The following MTF1 variants were observed in gnomAD, a reference collection of about 807,000 sequenced individuals.
MTF1 encodes the protein MRE-binding transcription factor.
Under a neutral mutation model 70.4 loss-of-function variants are expected in MTF1, and 22 were observed. The observed-to-expected ratio is 0.31, with a 90% CI of 0.22 to 0.45. MTF1 has a LOEUF of 0.45. MTF1 is among the 20% of genes least tolerant of loss of function. MTF1 has a pLI of 1.00. For missense variants in MTF1, 649 were observed against 922.0 expected (o/e 0.70, Z 3.83); for synonymous variants, 333 against 352.8 (o/e 0.94, Z 0.63).
At position 37,812,830 on chromosome 1, in the gene MTF1, G is replaced by T; in HGVS notation, c.*2306C>A. 6.6e-6 allele frequency: 1 copy of T among 152,312 alleles called. No individual in the cohort carries two copies. The allele number at this position is 152,312 out of a possible 1,614,324, so 9.4% of individuals were successfully genotyped here. ...AGGGCCCTACCTCAAAACTTCCCAT[G>T]GGTGCGAGGCCCAGAGACAGCCAAG... On this transcript the variant is annotated 3_prime_UTR_variant, in exon 11 of 11. Transcript: ENST00000373036.
chr1:37,857,757 G>A, intron 1 of MTF1, 48 bp from the exon 2 acceptor site: 2 of 1,149,042 alleles, frequency 1.7e-6, no homozygotes, highest in Non-Finnish European at 1.2e-6. Context: ...AAGACCGACG[G>A]ACCTCCTCAG....
chr1:37,853,395 C>T (rs1641445232), intron 2 of MTF1, among the ~76,000 whole-genome samples: 1 of 152,264 alleles, frequency 6.6e-6, no homozygotes, highest in Non-Finnish European at 1.5e-5. Flanking sequence ...ATCCACCCCA[C>T]TGCCTGTTTT....
At position 37,813,957 on chromosome 1, in the gene MTF1, T is replaced by C. The variant is rs190422606; in HGVS notation, c.*1179A>G. On this transcript the variant is annotated 3_prime_UTR_variant, in exon 11 of 11. Coordinates refer to ENST00000373036, the MANE Select transcript of MTF1 (RefSeq NM_005955.3). ...TGGTGGAAAGGGAATTTTTTTGTTTTGCTATACCCTGAGTAGAAGATCATC... is the reference window on the plus strand; with the variant it reads ...TGGTGGAAAGGGAATTTTTTTGTTTCGCTATACCCTGAGTAGAAGATCATC... 53 of 152,680 alleles carry C rather than the reference T, an allele frequency of 3.5e-4. No homozygotes were observed. Among genetic ancestry groups the C allele is most frequent in the African/African-American group, 1.2e-3 (50 of 41,558 alleles). 9.5% of individuals were successfully genotyped at this position (152,680 alleles called of 1,614,324 possible).
At position 37,815,748 on chromosome 1, in the gene MTF1, C is replaced by A. The variant is rs1640810302; in HGVS notation, c.1832-182G>T. Among the ~76,000 whole-genome samples the A allele has an allele frequency of 6.6e-6, 1 of 152,148 alleles. No homozygotes were observed. The highest frequency in any genetic ancestry group is 1.5e-5 in the Non-Finnish European group (1 of 68,018). On this transcript the variant is annotated intron_variant, in intron 10 of 10. Coordinates refer to ENST00000373036, the MANE Select transcript of MTF1 (RefSeq NM_005955.3). The surrounding 1 kb of genome is among the most constrained non-coding windows in gnomAD (Gnocchi z 4.5). ...CATGCCCTCTGAGGTAAAAGAGGGA[C>A]ACTCCCCAGCCCGAGACAAAGTCCC...
intron 2 of MTF1, among the ~76,000 whole-genome samples, chr1:37,852,213 C>G (rs1557599251): frequency 1.3e-5 from 2 of 152,208 alleles, no homozygotes; most frequent in Admixed American, 6.5e-5. Context: ...AAACTACCCA[C>G]AGTTTGAAGG....
chr1:37,846,939 G>A (rs1433408287), intron 2 of MTF1, among the ~76,000 whole-genome samples: 2 of 152,140 alleles, frequency 1.3e-5, no homozygotes, highest in Non-Finnish European at 2.9e-5. Flanking sequence ...TGGCCTGGCT[G>A]TTATGGCTAT....
At chr1:37,849,771 C>A (rs1257162976) in intron 2 of MTF1, among the ~76,000 whole-genome samples, 2 of 152,256 alleles carry the variant, frequency 1.3e-5, no homozygotes, top group Non-Finnish European at 2.9e-5. Flanking sequence ...CCTTTAATCC[C>A]AGCAGCTCAG....
chr1:37,819,452 A>C (rs1404148444), intron 9 of MTF1, among the ~76,000 whole-genome samples: 1 of 151,620 alleles, frequency 6.6e-6, no homozygotes, highest in Non-Finnish European at 1.5e-5. Flanking sequence ...ACTAAGTAGG[A>C]CTATAAACCT....
At chr1:37,828,334 C>T (rs111933241) in intron 7 of MTF1, 41,911 of 369,292 alleles carry the variant, frequency 0.11, 2,880 homozygotes, top group Middle Eastern at 0.24. Flanking sequence ...GACAGAGTTT[C>T]GCTCTTGTCA....
chr1:37,834,677 G>A (rs1641138455), intron 6 of MTF1: 1 of 459,898 alleles, frequency 2.2e-6, no homozygotes, highest in Admixed American at 2.3e-5. Flanking sequence ...ACAGTAGACT[G>A]AATGAAGTAA....
intron 9 of MTF1, among the ~76,000 whole-genome samples, chr1:37,820,664 T>C (rs2148401246): frequency 6.6e-6 from 1 of 152,330 alleles, no homozygotes; most frequent in East Asian, 1.9e-4. Flanking sequence ...TTAAAAAATG[T>C]GAAACTATTC....
At position 37,823,947 on chromosome 1, in the gene MTF1, A is replaced by G; in HGVS notation, c.1069-135T>C. On this transcript the variant is annotated intron_variant, in intron 7 of 10. Transcript: ENST00000373036. Reference sequence around the variant, plus strand: ...TTTGTTTCTACCTTCTGCTATTTAAAGTAACATGTATTTTCTTAAGCCTTA... The same window carrying G: ...TTTGTTTCTACCTTCTGCTATTTAAGGTAACATGTATTTTCTTAAGCCTTA... 6.3e-6 allele frequency: 4 copies of G among 635,526 alleles called. No individual in the cohort carries two copies. In the South Asian group the frequency reaches 7.7e-5, roughly 12 times the overall value. 39.4% of individuals were successfully genotyped at this position (635,526 alleles called of 1,614,324 possible). A position where few individuals can be genotyped will look rare whatever the true frequency, so the allele number is the denominator to read the frequency against.
rs148022213 is a variant in MTF1, at chr1:37,838,785, T to G, written c.648-29A>C. 9.7e-5 allele frequency: 130 copies of G among 1,337,018 alleles called. No homozygotes were observed. In the Middle Eastern group the frequency reaches 1.4e-3, roughly 14 times the overall value. 82.8% of individuals were successfully genotyped at this position (1,337,018 alleles called of 1,614,324 possible). On this transcript the variant is annotated intron_variant, in intron 3 of 10. Coordinates refer to ENST00000373036, the MANE Select transcript of MTF1 (RefSeq NM_005955.3). ...CAAAATATTCCAGAAAAATTCCCTT[T>G]GTCATAAAATTCTTTTTTTTTTTTT...
chr1:37,830,954 T>G (rs937531938), intron 7 of MTF1, among the ~76,000 whole-genome samples: 1 of 152,226 alleles, frequency 6.6e-6, no homozygotes, highest in African/African-American at 2.4e-5. Flanking sequence ...GTGGCCACCC[T>G]GAACTCTGTC....
At chr1:37,859,205 G>A (rs1399991894) in intron 1 of MTF1, among the ~76,000 whole-genome samples, 1 of 152,234 alleles carries the variant, frequency 6.6e-6, no homozygotes, top group East Asian at 1.9e-4. Context: ...AGGTTTGAGG[G>A]TAGCCAACGA....
At chr1:37,843,122 C>T (rs930715412) in intron 2 of MTF1, among the ~76,000 whole-genome samples, 1 of 152,066 alleles carries the variant, frequency 6.6e-6, no homozygotes, top group African/African-American at 2.4e-5. Context: ...GCTCAAGTGA[C>T]CCTCCCTCCT....
Position 37,815,235 on chromosome 1 carries a change from T to C in MTF1, c.2163A>G (p.Leu721=), listed in dbSNP as rs116143945. The C allele has an allele frequency of 1.3e-4, 202 of 1,614,016 alleles. No homozygotes were observed. In the African/African-American group the frequency reaches 1.5e-3, roughly 12 times the overall value. ...TLSAMDVSEF[L]SLQSLDTPSN... ...ACGGGGTGTCCAGGCTCTGGAGGGA[T>C]AGAAACTCTGACACATCCATGGCAC... Residue 721 remains leucine (L), a synonymous_variant, in exon 11 of 11, where the codon CTA becomes CTG. Coordinates refer to ENST00000373036, the MANE Select transcript of MTF1 (RefSeq NM_005955.3). The surrounding 1 kb of genome is among the most constrained non-coding windows in gnomAD (Gnocchi z 4.5).
chr1:37,853,245 T>C (rs902951337), intron 2 of MTF1, among the ~76,000 whole-genome samples: 3 of 152,210 alleles, frequency 2.0e-5, no homozygotes, highest in Non-Finnish European at 4.4e-5. Context: ...TTTCCCACCA[T>C]TTCTAGGAGA....
chr1:37,856,264 A>T, intron 2 of MTF1, among the ~76,000 whole-genome samples: 1 of 110,310 alleles, frequency 9.1e-6, no homozygotes, highest in Non-Finnish European at 1.7e-5. Flanking sequence ...TGCCACCTCC[A>T]CCTCCCAGAT....
Sources: gnomAD v4.1 joint callset for allele counts (sites outside exome capture counted in the v4.1 genomes callset) on GRCh38, gnomAD v4.1.1 for gene constraint, Gnocchi (gnomAD v3.1) non-coding constraint, MANE v1.5 for transcripts, NCBI Gene and HGNC (gene_info 2026-07-23, HGNC 2026-07-21) for gene names.